Variants in DISC1 observed in about 807,000 individuals in gnomAD.
DISC1 encodes the protein DISC1 scaffold protein.
In DISC1, 57 loss-of-function variants were observed where a neutral mutation model predicts 84.5. The ratio of observed to expected loss-of-function variants is 0.67; its 90% confidence interval spans 0.55 to 0.84. DISC1 has a LOEUF of 0.84. Among genes scored for constraint, DISC1 ranks in the 40% least tolerant of loss-of-function variants. The pLI, the probability that DISC1 is intolerant of heterozygous loss-of-function variation, is 0.00. For synonymous variants in DISC1, 411 were observed against 415.2 expected (o/e 0.99, Z 0.12); for missense variants, 1,000 against 1,057.8 (o/e 0.95, Z 0.76).
At chr1:231,681,543 G>A (rs1016786642) in intron 1 of DISC1, among the ~76,000 whole-genome samples, 1 of 152,032 alleles carries the variant, frequency 6.6e-6, no homozygotes, top group Non-Finnish European at 1.5e-5. Flanking sequence ...GTCAGGTCCA[G>A]GTGCCTTTGC....
At chr1:231,870,055 G>A (rs987477492) in intron 9 of DISC1, among the ~76,000 whole-genome samples, 2 of 152,134 alleles carry the variant, frequency 1.3e-5, no homozygotes, top group Non-Finnish European at 2.9e-5. Flanking sequence ...CTGAGAGTAC[G>A]GGGGTCCTAG....
At chr1:231,943,575 A>T (rs2126137964) in intron 9 of DISC1, among the ~76,000 whole-genome samples, 1 of 152,310 alleles carries the variant, frequency 6.6e-6, no homozygotes, top group Non-Finnish European at 1.5e-5. Context: ...GGGTGTGCTC[A>T]CAGGTTAGTT....
At chr1:231,704,643 C>G (rs2124930518) in intron 3 of DISC1, among the ~76,000 whole-genome samples, 1 of 151,608 alleles carries the variant, frequency 6.6e-6, no homozygotes, top group East Asian at 2.0e-4. Flanking sequence ...GCCTGTAGTC[C>G]CAGCTACTCG....
At chr1:231,747,863 T>G (rs1446758904) in intron 3 of DISC1, among the ~76,000 whole-genome samples, 1 of 152,210 alleles carries the variant, frequency 6.6e-6, no homozygotes, top group Non-Finnish European at 1.5e-5. Context: ...TTACAATCCA[T>G]CAGTATGGGC....
At chr1:231,902,233 C>T (rs2088236399) in intron 9 of DISC1, among the ~76,000 whole-genome samples, 1 of 151,958 alleles carries the variant, frequency 6.6e-6, no homozygotes. Flanking sequence ...TGGGTGATAG[C>T]ATAGGTTTTT....
chr1:231,970,968 T>C (rs1661871415), intron 10 of DISC1, among the ~76,000 whole-genome samples: 1 of 152,242 alleles, frequency 6.6e-6, no homozygotes, highest in Non-Finnish European at 1.5e-5. Context: ...GAAGGCAGTG[T>C]CTTGTGTAGG....
At chr1:231,750,328 C>T in intron 4 of DISC1, 2 of 1,303,124 alleles carry the variant, frequency 1.5e-6, no homozygotes, top group Non-Finnish European at 1.9e-6. Context: ...AGCTGCATCC[C>T]AGGTCTGAAG....
intron 3 of DISC1, among the ~76,000 whole-genome samples, chr1:231,748,829 C>T (rs2074291200): frequency 6.6e-6 from 1 of 152,116 alleles, no homozygotes; most frequent in Non-Finnish European, 1.5e-5. Context: ...TTTAAAGGTT[C>T]AACAGAGGGT....
At chr1:231,692,958 C>G (rs550977949) in intron 1 of DISC1, among the ~76,000 whole-genome samples, 2 of 152,340 alleles carry the variant, frequency 1.3e-5, no homozygotes, top group Middle Eastern at 3.4e-3. Context: ...ATTTTAATCA[C>G]TCTTATCATC....
intron 9 of DISC1, among the ~76,000 whole-genome samples, chr1:231,895,038 G>C (rs926875175): frequency 6.6e-6 from 1 of 150,810 alleles, no homozygotes; most frequent in South Asian, 2.1e-4. Context: ...GAATAGGTTT[G>C]ACTTTAAATC....
At position 231,826,188 on chromosome 1, in the gene DISC1, G is replaced by A. The variant is rs1239872565; in HGVS notation, c.1981+7671G>A. 6.6e-6 allele frequency among the ~76,000 whole-genome samples: 1 copy of A among 152,196 alleles called. No individual in the cohort carries two copies. The highest frequency in any genetic ancestry group is 2.4e-5 in the African/African-American group (1 of 41,448). Reference sequence around the variant, plus strand: ...CTGTTTTACCGATGAAGAAGCTGAGGTTTAGGAAGGATCCTGTCACAGAGC... The same window carrying A: ...CTGTTTTACCGATGAAGAAGCTGAGATTTAGGAAGGATCCTGTCACAGAGC... On this transcript the variant is annotated intron_variant, in intron 9 of 12. Coordinates refer to ENST00000439617, the MANE Select transcript of DISC1 (RefSeq NM_018662.3). The surrounding 1 kb of genome is among the most constrained non-coding windows in gnomAD (Gnocchi z 4.2).
chr1:231,825,590 A>T (rs1261925132), intron 9 of DISC1, among the ~76,000 whole-genome samples: 1 of 152,046 alleles, frequency 6.6e-6, no homozygotes, highest in Non-Finnish European at 1.5e-5. Context: ...TGAGGGGATT[A>T]TTTTTTGCAT....
chr1:231,792,786 G>C (rs189615008), intron 6 of DISC1, among the ~76,000 whole-genome samples: 10 of 152,264 alleles, frequency 6.6e-5, no homozygotes, highest in Admixed American at 6.5e-4. Flanking sequence ...TCTGACTTAT[G>C]TTCTCTCAAA....
chr1:231,811,258 C>T (rs200568135), intron 8 of DISC1, among the ~76,000 whole-genome samples: 2 of 152,136 alleles, frequency 1.3e-5, no homozygotes, highest in Non-Finnish European at 2.9e-5. Flanking sequence ...GCTGAAGGGA[C>T]CTCCAGGGAG....
intron 8 of DISC1, among the ~76,000 whole-genome samples, chr1:231,809,055 T>C (rs2080008889): frequency 6.6e-6 from 1 of 152,156 alleles, no homozygotes; most frequent in Non-Finnish European, 1.5e-5. Context: ...TCTGGGCCAC[T>C]GTAAGTTTTC....
At chr1:231,684,941 A>G (rs1168595019) in intron 1 of DISC1, 1 of 152,228 alleles carries the variant, frequency 6.6e-6, no homozygotes, top group African/African-American at 2.4e-5. Context: ...CAGTCCACTC[A>G]GCTTTCCAGA....
At chr1:231,921,760 G>A (rs2090025751) in intron 9 of DISC1, among the ~76,000 whole-genome samples, 1 of 149,022 alleles carries the variant, frequency 6.7e-6, no homozygotes, top group Non-Finnish European at 1.5e-5. Context: ...GTTGTGTAAT[G>A]ATTACCACAA....
intron 9 of DISC1, among the ~76,000 whole-genome samples, chr1:231,820,215 A>G (rs1194297069): frequency 1.3e-5 from 2 of 152,202 alleles, no homozygotes; most frequent in African/African-American, 4.8e-5. Flanking sequence ...GAACCAAATT[A>G]ATAATCTAGG....
At chr1:231,825,901 C>T (rs1201173642) in intron 9 of DISC1, among the ~76,000 whole-genome samples, 1 of 152,192 alleles carries the variant, frequency 6.6e-6, no homozygotes, top group Non-Finnish European at 1.5e-5. Context: ...TCCTCCATTG[C>T]TCTTTACTGT....
Sources: allele counts gnomAD v4.1 joint callset (sites outside exome capture counted in the v4.1 genomes callset), GRCh38; gene constraint gnomAD v4.1.1; non-coding constraint Gnocchi (gnomAD v3.1); transcripts MANE v1.5; gene names NCBI Gene and HGNC (gene_info 2026-07-23, HGNC 2026-07-21).